The following FRY variants were observed in gnomAD, a reference collection of about 807,000 sequenced individuals.
The protein encoded by FRY is FRY microtubule binding protein, also known as protein furry homolog.
Under a neutral mutation model 348.4 loss-of-function variants are expected in FRY, and 128 were observed. That is an observed-to-expected ratio of 0.37 (90% CI 0.32 to 0.43). FRY has a LOEUF of 0.43. FRY is among the 20% of genes least tolerant of loss of function. FRY has a pLI of 1.00. For missense variants in FRY, 2,736 were observed against 3,695.2 expected (o/e 0.74, Z 6.73); for synonymous variants, 1,370 against 1,374.7 (o/e 1.00, Z 0.08).
At chr13:32,049,648 AG>A (rs1271634393) in intron 1 of FRY, among the ~76,000 whole-genome samples, 1 of 152,222 alleles carries the variant, frequency 6.6e-6, no homozygotes, top group African/African-American at 2.4e-5. Context: ...CAGCAAATTC[AG>A]GGACTCTGCA....
rs2072053226 is a variant in FRY at position 32,295,860 on chromosome 13, G to A, written c.*400G>A. 1.0e-5 allele frequency: 2 copies of A among 192,190 alleles called. No homozygotes were observed. The highest frequency in any genetic ancestry group is 1.1e-5 in the Non-Finnish European group (1 of 92,210). The allele number at this position is 192,190 out of a possible 1,614,324, so 11.9% of individuals were successfully genotyped here. On this transcript the variant is annotated 3_prime_UTR_variant, in exon 61 of 61. Transcript: ENST00000542859. ...CAAAAAATTTTATATTCTCAAACAT[G>A]TATATTCTTTCCCTGTCTTGTTCCA...
chr13:32,150,981 G>A (rs548627668), intron 14 of FRY, among the ~76,000 whole-genome samples: 21 of 152,316 alleles, frequency 1.4e-4, no homozygotes, highest in African/African-American at 4.6e-4. Flanking sequence ...CAGGGTCTCT[G>A]GGCCAATGGG....
rs558309563 is a variant in FRY, at chr13:32,117,478, A to G, written c.464+5A>G. 1.2e-6 allele frequency: 2 copies of G among 1,612,702 alleles called. No homozygotes were observed. The highest frequency in any genetic ancestry group is 1.7e-5 in the Admixed American group (1 of 60,014). ...AACAAGCAATAAATCAAAAAGGTAC[A>G]TTTCTTTTGTGTAAGGATCATGGTT... On this transcript the variant is annotated splice_donor_5th_base_variant and intron_variant, in intron 4 of 60. Transcript: ENST00000542859.
At chr13:32,070,199 C>A (rs1238363758) in intron 1 of FRY, among the ~76,000 whole-genome samples, 1 of 152,172 alleles carries the variant, frequency 6.6e-6, no homozygotes, top group Non-Finnish European at 1.5e-5. Flanking sequence ...CTTATAGTAG[C>A]ATGATTTATA....
At chr13:32,289,599 T>C (rs1889231891) in intron 58 of FRY, 34 bp from the exon 59 acceptor site, 1 of 1,245,372 alleles carries the variant, frequency 8.0e-7, no homozygotes, top group Non-Finnish European at 1.2e-6. Flanking sequence ...TCTTTAACAA[T>C]AACTGTTTCT....
chr13:32,066,965 A>G (rs984973228), intron 1 of FRY, among the ~76,000 whole-genome samples: 2 of 152,256 alleles, frequency 1.3e-5, no homozygotes, highest in African/African-American at 2.4e-5. Flanking sequence ...CACAAATATT[A>G]AGTGAGCACA....
At position 32,174,846 on chromosome 13, in the gene FRY, A is replaced by G. The variant is rs138678399; in HGVS notation, c.2335-700A>G. On this transcript the variant is annotated intron_variant, in intron 19 of 60. Transcript: ENST00000542859. ...TTTCTCCATAAGGGATGGTGAATGA[A>G]TATATAATATATAAATAAATGAATA... Among the ~76,000 whole-genome samples the G allele has an allele frequency of 3.7e-3, 560 of 152,234 alleles. 4 individuals carry two copies. Among genetic ancestry groups the G allele is most frequent in the Middle Eastern group, 0.01 (3 of 294 alleles).
intron 28 of FRY, among the ~76,000 whole-genome samples, chr13:32,190,271 A>G (rs928415356): frequency 1.4e-4 from 21 of 152,042 alleles, no homozygotes; most frequent in African/African-American, 5.1e-4. Context: ...AAAATGGCCA[A>G]GGAAGCTTAC....
chr13:32,045,449 C>T (rs1262999513), intron 1 of FRY, among the ~76,000 whole-genome samples: 3 of 152,146 alleles, frequency 2.0e-5, no homozygotes, highest in Non-Finnish European at 2.9e-5. Flanking sequence ...AAGTCCTTCC[C>T]ATAGCTTTGA....
At chr13:32,230,598 G>GA in intron 40 of FRY, among the ~76,000 whole-genome samples, 1 of 152,256 alleles carries the variant, frequency 6.6e-6, no homozygotes, top group East Asian at 1.9e-4. Context: ...TTGCTATTGG[G>GA]AATAGTGTTA....
chr13:32,266,653 A>G (rs1323486295), intron 54 of FRY, among the ~76,000 whole-genome samples: 1 of 152,212 alleles, frequency 6.6e-6, no homozygotes, highest in Non-Finnish European at 1.5e-5. Context: ...CAGAAATTCT[A>G]GAGGTGCAAA....
intron 1 of FRY, among the ~76,000 whole-genome samples, chr13:32,044,692 G>A (rs1232618190): frequency 6.6e-6 from 1 of 152,176 alleles, no homozygotes; most frequent in Non-Finnish European, 1.5e-5. Flanking sequence ...TTGGCCTTCA[G>A]TGCAAGCTTC....
chr13:32,080,117 G>A (rs998998384), intron 2 of FRY, among the ~76,000 whole-genome samples: 1 of 152,262 alleles, frequency 6.6e-6, no homozygotes, highest in African/African-American at 2.4e-5. Flanking sequence ...AATTTTTATT[G>A]TATCAGTGGA....
At chr13:32,155,709 A>C in intron 15 of FRY, 47 bp downstream of exon 15, 1 of 1,322,868 alleles carries the variant, frequency 7.6e-7, no homozygotes, top group Non-Finnish European at 1.1e-6. Flanking sequence ...AAGCCCTTAA[A>C]ATGACCAGTA....
At chr13:32,060,611 G>A (rs1410220905) in intron 1 of FRY, among the ~76,000 whole-genome samples, 1 of 152,154 alleles carries the variant, frequency 6.6e-6, no homozygotes, top group Non-Finnish European at 1.5e-5. Context: ...CTCACCCTGT[G>A]TTATCTTTGC....
chr13:32,242,691 C>T (rs1270434106), intron 46 of FRY, among the ~76,000 whole-genome samples: 5 of 152,170 alleles, frequency 3.3e-5, no homozygotes, highest in South Asian at 2.1e-4. Context: ...CCCACCACTA[C>T]GCCCAGCTAA....
chr13:32,207,519 G>A (rs897593379), intron 31 of FRY, among the ~76,000 whole-genome samples: 1 of 152,110 alleles, frequency 6.6e-6, no homozygotes. Flanking sequence ...ACAGTGGCTT[G>A]CACCTAGAAA....
Position 32,294,568 on chromosome 13 carries a change from C to T in FRY, c.8781C>T (p.Cys2927=). The part of the protein sequence containing the change: ...LGKALRQIRE[C]RSLWPNDIFG... ...AAGCTTTGCGGCAGATCAGGGAGTG[C>T]AGGTGACTCTGCTATTTCTTTTAGA... The change falls in exon 60 of 61, where the codon TGC becomes TGT. Residue 2927 remains cysteine (C), a splice_region_variant and synonymous_variant. Coordinates refer to ENST00000542859, the MANE Select transcript of FRY (RefSeq NM_023037.3). 1 of 1,611,152 alleles carries T rather than the reference C, an allele frequency of 6.2e-7. No homozygotes were observed. Among genetic ancestry groups the T allele is most frequent in the Non-Finnish European group, 8.5e-7 (1 of 1,177,296 alleles).
chr13:32,240,878 A>G (rs1179063964), intron 46 of FRY, among the ~76,000 whole-genome samples: 3 of 152,220 alleles, frequency 2.0e-5, no homozygotes, highest in African/African-American at 7.2e-5. Context: ...CAAAGGCTCC[A>G]CAAGCCTGAA....
Sources: allele counts gnomAD v4.1 joint callset (sites outside exome capture counted in the v4.1 genomes callset), GRCh38; gene constraint gnomAD v4.1.1; transcripts MANE v1.5; gene names NCBI Gene and HGNC (gene_info 2026-07-23, HGNC 2026-07-21).